LRRC47: variants seen among roughly 807,000 people sequenced by gnomAD.
LRRC47 encodes the protein leucine-rich repeat-containing protein 47.
LRRC47 carries 31 observed loss-of-function variants against 40.9 expected under a neutral mutation model. The observed-to-expected ratio is 0.76, with a 90% confidence interval of 0.57 to 1.02. The LOEUF (loss-of-function observed/expected upper bound fraction) is 1.02, where lower values mean the gene tolerates loss of function less well. Among genes scored for constraint, LRRC47 ranks in the 50% least tolerant of loss-of-function variants. The pLI is 0.00. For synonymous variants in LRRC47, 427 were observed against 371.9 expected, an observed-to-expected ratio of 1.15 and a Z score of -1.70; for missense variants, 726 against 796.1, an observed-to-expected ratio of 0.91 and a Z score of 1.06.
Position 3,786,929 on chromosome 1 carries a change from G to A in LRRC47, c.997C>T (p.Arg333Trp), listed in dbSNP as rs377537674. ...VRVSPEVRDV[R>W]PYIVGAVVRG... is the part of the protein sequence containing the mutation. ...ACCACGGCCCCCACAATGTAGGGCC[G>A]CACATCCCGGACCTCGGGGCTCACT... Residue 333 changes from arginine to tryptophan, a missense_variant, in exon 2 of 7, where the codon CGG becomes TGG. Coordinates refer to ENST00000378251, the MANE Select transcript of LRRC47 (RefSeq NM_020710.3). 12 of 1,607,108 alleles carry A rather than the reference G, an allele frequency of 7.5e-6. No individual in the cohort carries two copies. Among genetic ancestry groups the A allele is most frequent in the Admixed American group, 1.7e-5 (1 of 59,232 alleles).
intron 1 of LRRC47, among the ~76,000 whole-genome samples, chr1:3,788,987 C>T (rs9424297): frequency 0.14 from 20,936 of 152,214 alleles, 2,371 homozygotes; most frequent in East Asian, 0.61. Flanking sequence ...TGCCACAATT[C>T]TGTGCTTCTC....
chr1:3,791,621 T>A (rs1643627541), intron 1 of LRRC47, among the ~76,000 whole-genome samples: 1 of 152,132 alleles, frequency 6.6e-6, no homozygotes, highest in South Asian at 2.1e-4. Flanking sequence ...CACGCCCGGC[T>A]AATTTTGTAT....
intron 1 of LRRC47, among the ~76,000 whole-genome samples, chr1:3,790,405 C>A (rs35608411): frequency 0.089 from 13,592 of 152,294 alleles, 616 homozygotes; most frequent in Middle Eastern, 0.11. Flanking sequence ...GATGTCTTTA[C>A]TAAGGCACCG....
chr1:3,781,176 A>G lies in LRRC47; in HGVS notation c.1664T>C (p.Val555Ala), dbSNP rs778432845. The change falls in exon 7 of 7, where the codon GTG (valine) becomes GCG (alanine). Residue 555 changes from valine to alanine, a missense_variant. Physicochemically the swap from Val to Ala is moderately conservative, Grantham distance 64 (BLOSUM62 0). Coordinates refer to ENST00000378251, the MANE Select transcript of LRRC47 (RefSeq NM_020710.3). ...CTTCAGGCTCCCTTCCAGATCCACC[A>G]CCCGGACCTGCTCCACCACCAGAAG... is the stretch of plus-strand genomic sequence containing the variant. ...PSLLVVEQVR[V>A]VDLEGSLKVV... 6.2e-7 allele frequency: 1 copy of G among 1,613,642 alleles called. No homozygotes were observed.
chr1:3,789,446 C>T (rs773869074), intron 1 of LRRC47, among the ~76,000 whole-genome samples: 27 of 152,402 alleles, frequency 1.8e-4, no homozygotes, highest in Non-Finnish European at 2.9e-4. Context: ...CGTCTCCCTC[C>T]GCTGACAAAG....
chr1:3,792,681 G>A (rs947053653), intron 1 of LRRC47, among the ~76,000 whole-genome samples: 3 of 152,110 alleles, frequency 2.0e-5, no homozygotes, highest in Admixed American at 6.6e-5. Flanking sequence ...GGATGGTCTC[G>A]ATCTCTTGAC....
chr1:3,781,251 T>G lies in LRRC47; in HGVS notation c.1589A>C (p.Gln530Pro), dbSNP rs760182573. The G allele has an allele frequency of 3.1e-6, 5 of 1,614,206 alleles. No individual in the cohort carries two copies. In the South Asian group the frequency reaches 5.5e-5, roughly 18 times the overall value. Residue 530 changes from glutamine (Q) to proline (P), a missense_variant, in exon 7 of 7, where the codon CAA (glutamine) becomes CCA (proline). By Grantham distance (76) the Gln-to-Pro change is moderately conservative (BLOSUM62 -1). Transcript: ENST00000378251. The part of the protein sequence containing the change: ...SDTEADAVSG[Q>P]LPDPTTNPSA... ...GGGATTCGTTGTGGGATCTGGAAGT[T>G]GTCCAGAGACTGCATCGGCTTCAGT...
Position 3,779,807 on chromosome 1 carries a change from C to T in LRRC47, c.*1281G>A, listed in dbSNP as rs61759305. The T allele has an allele frequency of 3.0e-3, 461 of 152,336 alleles. 1 individual carries two copies. The highest frequency in any genetic ancestry group is 6.9e-3 in the Admixed American group (106 of 15,296). The allele number at this position is 152,336 out of a possible 1,614,324, so 9.4% of individuals were successfully genotyped here. On this transcript the variant is annotated 3_prime_UTR_variant, in exon 7 of 7. Transcript: ENST00000378251. Reference sequence around the variant, plus strand: ...GAAACCCCACCGATGCCGCTCTCCTCCGCTTGGCCCCGCTGAGCCAGGGTG... The same window carrying T: ...GAAACCCCACCGATGCCGCTCTCCTTCGCTTGGCCCCGCTGAGCCAGGGTG...
Position 3,781,264 on chromosome 1 carries a change from CATCGGCTTCAGT to C in LRRC47, c.1564_1575del (p.Thr522_Asp525del). Reference sequence around the variant, plus strand: ...GGATCTGGAAGTTGTCCAGAGACTGCATCGGCTTCAGTATCTGAGAGTGATCCTTCCTCTTTA... The same window carrying C: ...GGATCTGGAAGTTGTCCAGAGACTGCATCTGAGAGTGATCCTTCCTCTTTA... On this transcript the variant is annotated inframe_deletion, in exon 7 of 7. Coordinates refer to ENST00000378251, the MANE Select transcript of LRRC47 (RefSeq NM_020710.3). 6.2e-7 allele frequency: 1 copy of C among 1,614,190 alleles called. No individual in the cohort carries two copies. Among genetic ancestry groups the C allele is most frequent in the South Asian group, 1.1e-5 (1 of 91,088 alleles).
At chr1:3,793,914 C>T (rs540771296) in intron 1 of LRRC47, among the ~76,000 whole-genome samples, 43 of 152,198 alleles carry the variant, frequency 2.8e-4, no homozygotes, top group African/African-American at 8.2e-4. Flanking sequence ...TAATAAAACT[C>T]GGCCGGGCGC....
Position 3,781,114 on chromosome 1 carries a change from G to A in LRRC47, c.1726C>T (p.Pro576Ser), listed in dbSNP as rs1228993712. 6.2e-7 allele frequency: 1 copy of A among 1,614,038 alleles called. No homozygotes were observed. The highest frequency in any genetic ancestry group is 8.5e-7 in the Non-Finnish European group (1 of 1,180,036). Residue 576 changes from proline to serine, a missense_variant, in exon 7 of 7, where the codon CCT becomes TCT. Transcript: ENST00000378251. ...CAGCGCACGACAGTCACGTGGGGAG[G>A]GGCAGTGGCCAGGTCGGCCTTGGAC... ...YPSKADLATA[P>S]PHVTVVR
At position 3,796,273 on chromosome 1, in the gene LRRC47, A is replaced by G; in HGVS notation, c.204T>C (p.Pro68=). The change falls in exon 1 of 7, where the codon CCT becomes CCC. Residue 68 remains proline, a synonymous_variant. Coordinates refer to ENST00000378251, the MANE Select transcript of LRRC47 (RefSeq NM_020710.3). ...SGCGSLRAPG[P]GLAQGLPQLH... ...GCTGCGGCAGGCCCTGCGCCAGGCC[A>G]GGCCCCGGCGCGCGCAAGCTCCCGC... 1 of 1,476,872 alleles carries G rather than the reference A, an allele frequency of 6.8e-7. No individual in the cohort carries two copies. Among genetic ancestry groups the G allele is most frequent in the Admixed American group, 2.4e-5 (1 of 42,204 alleles). The allele number at this position is 1,476,872 out of a possible 1,614,324, so 91.5% of individuals were successfully genotyped here.
At chr1:3,788,078 C>G (rs1643594267) in intron 1 of LRRC47, among the ~76,000 whole-genome samples, 1 of 152,236 alleles carries the variant, frequency 6.6e-6, no homozygotes, top group Non-Finnish European at 1.5e-5. Context: ...ACAGTGGCAC[C>G]TGATGCACTC....
At position 3,778,597 on chromosome 1, in the gene LRRC47, G is replaced by A. The variant is rs951610360; in HGVS notation, c.*2491C>T. On this transcript the variant is annotated 3_prime_UTR_variant, in exon 7 of 7. Transcript: ENST00000378251. ...GTTTTTATTAGTGAGTCGGGGGGTG[G>A]GGTGGGGTGAAGAAAACATCAGAGA... The A allele has an allele frequency of 6.5e-6, 1 of 153,844 alleles. No individual in the cohort carries two copies. 9.5% of individuals were successfully genotyped at this position (153,844 alleles called of 1,614,324 possible).
chr1:3,789,433 C>T (rs946188263), intron 1 of LRRC47, among the ~76,000 whole-genome samples: 7 of 152,390 alleles, frequency 4.6e-5, no homozygotes, highest in Admixed American at 1.3e-4. Context: ...ACACGCAGTG[C>T]GGCGTCTCCC....
rs370495428 is a variant in LRRC47 at position 3,786,937 on chromosome 1, C to A, written c.989G>T (p.Arg330Leu). The change falls in exon 2 of 7, where the codon CGG becomes CTG. Residue 330 changes from arginine (R) to leucine (L), a missense_variant. Arg to Leu is a moderately radical substitution (Grantham distance 102). Coordinates refer to ENST00000378251, the MANE Select transcript of LRRC47 (RefSeq NM_020710.3). The part of the protein sequence containing the change: ...PLTVRVSPEV[R>L]DVRPYIVGAV... The stretch of plus-strand genomic sequence containing the variant: ...CCCCACAATGTAGGGCCGCACATCC[C>A]GGACCTCGGGGCTCACTCTGACTGT... 1 of 1,608,640 alleles carries A rather than the reference C, an allele frequency of 6.2e-7. No homozygotes were observed. Among genetic ancestry groups the A allele is most frequent in the Admixed American group, 1.7e-5 (1 of 59,422 alleles).
rs145174797 is a variant in LRRC47, at chr1:3,782,734, T to C, written c.1340A>G (p.Asn447Ser). 1 of 1,611,272 alleles carries C rather than the reference T, an allele frequency of 6.2e-7. No individual in the cohort carries two copies. Among genetic ancestry groups the C allele is most frequent in the African/African-American group, 1.3e-5 (1 of 74,880 alleles). The change falls in exon 5 of 7, where the codon AAT becomes AGT. Residue 447 changes from asparagine to serine, a missense_variant. Coordinates refer to ENST00000378251, the MANE Select transcript of LRRC47 (RefSeq NM_020710.3). Reference sequence around the variant, plus strand: ...GTCTGCATCCACAAGACACGGGTAATTTTCATTTCCATCCAGCAAGTGAAG... The same window carrying C: ...GTCTGCATCCACAAGACACGGGTAACTTTCATTTCCATCCAGCAAGTGAAG... Reference protein sequence around the residue: ...RYLHLLDGNENYPCLVDADGD... With the variant: ...RYLHLLDGNESYPCLVDADGD...
At chr1:3,784,484 A>G (rs1643551960) in intron 3 of LRRC47, among the ~76,000 whole-genome samples, 1 of 152,092 alleles carries the variant, frequency 6.6e-6, no homozygotes, top group African/African-American at 2.4e-5. Context: ...CGACACAGCA[A>G]CTCACCCTAC....
At position 3,796,404 on chromosome 1, in the gene LRRC47, G is replaced by A. The variant is rs1172030003; in HGVS notation, c.73C>T (p.Leu25=). Residue 25 remains leucine (L), a synonymous_variant, in exon 1 of 7, where the codon CTG becomes TTG. Coordinates refer to ENST00000378251, the MANE Select transcript of LRRC47 (RefSeq NM_020710.3). ...TCCTCCAGCCCGGGCCCCGTCAGCAGCAGCTCCCGCCGCCGCTCGCGCTCA... is the reference window on the plus strand; with the variant it reads ...TCCTCCAGCCCGGGCCCCGTCAGCAACAGCTCCCGCCGCCGCTCGCGCTCA... ...LAERERRREL[L]LTGPGLEERV... is the part of the protein sequence containing the mutation. The A allele has an allele frequency of 6.6e-7, 1 of 1,516,296 alleles. No homozygotes were observed. The highest frequency in any genetic ancestry group is 8.8e-7 in the Non-Finnish European group (1 of 1,139,896). The allele number at this position is 1,516,296 out of a possible 1,614,324, so 93.9% of individuals were successfully genotyped here.
Sources: allele counts gnomAD v4.1 joint callset (sites outside exome capture counted in the v4.1 genomes callset), GRCh38; gene constraint gnomAD v4.1.1; transcripts MANE v1.5; gene names NCBI Gene and HGNC (gene_info 2026-07-23, HGNC 2026-07-21).